The following CHST10 variants were observed in gnomAD, a reference collection of about 807,000 sequenced individuals.
CHST10 encodes the protein carbohydrate sulfotransferase 10, also known as HNK-1 sulfotransferase.
CHST10 carries 24 observed loss-of-function variants against 34.7 expected under a neutral mutation model. The observed-to-expected ratio is 0.69, with a 90% CI of 0.50 to 0.97. The LOEUF (loss-of-function observed/expected upper bound fraction) is 0.97. Among genes scored for constraint, CHST10 ranks in the 50% least tolerant of loss-of-function variants. The pLI, the probability that CHST10 is intolerant of heterozygous loss-of-function variation, is 0.00. For missense variants in CHST10, 402 were observed against 452.1 expected, an observed-to-expected ratio of 0.89 and a Z score of 1.00; for synonymous variants, 161 against 169.3, an observed-to-expected ratio of 0.95 and a Z score of 0.38.
intron 2 of CHST10, among the ~76,000 whole-genome samples, chr2:100,411,303 G>C (rs1573199595): frequency 6.6e-6 from 1 of 151,824 alleles, no homozygotes; most frequent in Admixed American, 6.6e-5. Flanking sequence ...GTAGAGATGG[G>C]GTTTCACCAT....
At chr2:100,411,295 A>G (rs550368115) in intron 2 of CHST10, among the ~76,000 whole-genome samples, 3 of 152,102 alleles carry the variant, frequency 2.0e-5, no homozygotes, top group East Asian at 3.9e-4. Flanking sequence ...TATTTTTAGT[A>G]GAGATGGGGT....
In CHST10 at chr2:100,415,121, A is replaced by T; in HGVS notation, c.-103-10T>A. ...TTGGTTCCTCTTGTCACTGGATAGG[A>T]AAATTAAAAAAAAAAAAGCATTATT... On this transcript the variant is annotated splice_polypyrimidine_tract_variant and intron_variant, in intron 1 of 6. Transcript: ENST00000264249. 7.8e-7 allele frequency: 1 copy of T among 1,276,914 alleles called. No homozygotes were observed. The highest frequency in any genetic ancestry group is 1.0e-6 in the Non-Finnish European group (1 of 972,788). The allele number at this position is 1,276,914 out of a possible 1,614,324, so 79.1% of individuals were successfully genotyped here.
intron 2 of CHST10, among the ~76,000 whole-genome samples, chr2:100,413,823 T>C (rs1022948030): frequency 2.6e-5 from 4 of 152,048 alleles, no homozygotes; most frequent in African/African-American, 7.2e-5. Flanking sequence ...AATATGCGCA[T>C]TCACTTACTA....
chr2:100,416,592 T>G (rs1242657231), intron 1 of CHST10: 3 of 193,724 alleles, frequency 1.5e-5, no homozygotes, highest in Non-Finnish European at 3.3e-5. Context: ...CTGCCTAATT[T>G]TAACAGCGTC....
intron 2 of CHST10, among the ~76,000 whole-genome samples, chr2:100,407,237 C>T (rs4149509): frequency 0.13 from 20,506 of 152,178 alleles, 3,572 homozygotes; most frequent in African/African-American, 0.4. Flanking sequence ...TGAACACTGA[C>T]GCTTCTCGCC....
chr2:100,404,156 T>C (rs527611806), intron 3 of CHST10, among the ~76,000 whole-genome samples: 3 of 152,330 alleles, frequency 2.0e-5, no homozygotes, highest in Admixed American at 2.0e-4. Context: ...AGGTAACATC[T>C]CACGCGAGTG....
At chr2:100,410,169 CA>C in intron 2 of CHST10, among the ~76,000 whole-genome samples, 1 of 152,386 alleles carries the variant, frequency 6.6e-6, no homozygotes, top group African/African-American at 2.4e-5. Flanking sequence ...AGCCTGTGGG[CA>C]GTCACTGCGG....
intron 4 of CHST10, among the ~76,000 whole-genome samples, chr2:100,402,223 T>C (rs1468803836): frequency 1.3e-5 from 2 of 152,176 alleles, no homozygotes; most frequent in African/African-American, 4.8e-5. Context: ...ACCCCATGAC[T>C]GGGTGAGATG....
At chr2:100,414,973 A>T in intron 2 of CHST10, 68 bp downstream of exon 2, 5 of 1,137,468 alleles carry the variant, frequency 4.4e-6, no homozygotes, top group Non-Finnish European at 5.9e-6. Context: ...ACAGGCAAGA[A>T]AAAAGGCAGG....
intron 2 of CHST10, among the ~76,000 whole-genome samples, chr2:100,414,454 G>A (rs1411660135): frequency 6.6e-6 from 1 of 152,134 alleles, no homozygotes; most frequent in South Asian, 2.1e-4. Flanking sequence ...AGACAGACCA[G>A]GGCTGCAGAA....
chr2:100,394,234 A>AG (rs1359112240), intron 6 of CHST10, among the ~76,000 whole-genome samples: 2 of 146,472 alleles, frequency 1.4e-5, no homozygotes, highest in Non-Finnish European at 2.9e-5. Flanking sequence ...TGCCAGGGGA[A>AG]GGGGGGCAAG....
intron 2 of CHST10, among the ~76,000 whole-genome samples, chr2:100,411,123 T>C (rs1055598328): frequency 2.7e-5 from 4 of 149,892 alleles, no homozygotes; most frequent in South Asian, 2.1e-4. Context: ...TTTCTTTTTT[T>C]TTTTTTTTTT....
At chr2:100,406,441 C>T in intron 3 of CHST10, 135 bp downstream of exon 3, 1 of 1,132,348 alleles carries the variant, frequency 8.8e-7, no homozygotes, top group Non-Finnish European at 1.3e-6. Flanking sequence ...GAACGGAGGC[C>T]ATGACCTCCA....
In CHST10 at chr2:100,393,243, C is replaced by G. The variant is rs904925817; in HGVS notation, c.*2G>C. 4 of 1,613,668 alleles carry G rather than the reference C, an allele frequency of 2.5e-6. No homozygotes were observed. In the African/African-American group the frequency reaches 4.0e-5, roughly 16 times the overall value. On this transcript the variant is annotated 3_prime_UTR_variant, in exon 7 of 7. Transcript: ENST00000264249. ...GATATTTGAATTCATAGGTCTTATG[C>G]ATTAGTTTAGCAAAAAGTCTGGTTT...
intron 2 of CHST10, among the ~76,000 whole-genome samples, chr2:100,414,020 G>A (rs537523137): frequency 3.9e-5 from 6 of 152,036 alleles, no homozygotes; most frequent in African/African-American, 9.7e-5. Flanking sequence ...AGACATAGAC[G>A]GGCCATAAAC....
chr2:100,400,693 T>C (rs902140225), intron 4 of CHST10, among the ~76,000 whole-genome samples: 1 of 152,152 alleles, frequency 6.6e-6, no homozygotes, highest in African/African-American at 2.4e-5. Context: ...AAACTTTTTT[T>C]CTGAGACCGA....
intron 2 of CHST10, chr2:100,408,574 AC>A (rs1675683858): frequency 6.6e-6 from 1 of 152,190 alleles, no homozygotes; most frequent in Non-Finnish European, 1.5e-5. Context: ...GTAAAAACTG[AC>A]CAATCCCTTG....
At chr2:100,404,619 A>G (rs1056447768) in intron 3 of CHST10, among the ~76,000 whole-genome samples, 1 of 152,154 alleles carries the variant, frequency 6.6e-6, no homozygotes, top group Non-Finnish European at 1.5e-5. Flanking sequence ...CACTGAAAAC[A>G]TTCAGCACAA....
chr2:100,410,025 A>G (rs1397581147), intron 2 of CHST10, among the ~76,000 whole-genome samples: 1 of 152,142 alleles, frequency 6.6e-6, no homozygotes, highest in African/African-American at 2.4e-5. Context: ...GCAAAGCTTC[A>G]GGGGCAAAAC....
Sources: gnomAD v4.1 joint callset for allele counts (sites outside exome capture counted in the v4.1 genomes callset) on GRCh38, gnomAD v4.1.1 for gene constraint, MANE v1.5 for transcripts, NCBI Gene and HGNC (gene_info 2026-07-23, HGNC 2026-07-21) for gene names.